SDK1: variants seen among roughly 807,000 people sequenced by gnomAD.
SDK1 encodes sidekick cell adhesion molecule 1, also known as protein sidekick-1.
Under a neutral mutation model 245.5 loss-of-function variants are expected in SDK1, and 157 were observed. The observed-to-expected ratio is 0.64, with a 90% CI of 0.56 to 0.73. SDK1 has a LOEUF of 0.73. SDK1 is among the 30% of genes least tolerant of loss of function. SDK1 has a pLI of 0.00. For missense variants in SDK1, 3,583 were observed against 3,002.3 expected (o/e 1.19, Z -4.52); for synonymous variants, 1,647 against 1,278.5 (o/e 1.29, Z -6.15).
intron 4 of SDK1, among the ~76,000 whole-genome samples, chr7:3,719,792 C>T (rs1308091702): frequency 2.0e-5 from 3 of 152,012 alleles, no homozygotes; most frequent in East Asian, 1.9e-4. Context: ...TCCTGGCCAA[C>T]ATGGTGAAAC....
At chr7:3,305,692 A>G (rs1008549101) in intron 1 of SDK1, among the ~76,000 whole-genome samples, 1 of 152,188 alleles carries the variant, frequency 6.6e-6, no homozygotes, top group Non-Finnish European at 1.5e-5. Flanking sequence ...GAGTGCTCAG[A>G]TAGTTAATTA....
intron 32 of SDK1, among the ~76,000 whole-genome samples, chr7:4,170,064 C>T (rs1040069447): frequency 6.6e-6 from 1 of 152,122 alleles, no homozygotes; most frequent in Non-Finnish European, 1.5e-5. Context: ...CTTTTCCATC[C>T]ATTGTATTTC....
At chr7:3,346,233 G>A (rs1023592090) in intron 1 of SDK1, among the ~76,000 whole-genome samples, 8 of 152,112 alleles carry the variant, frequency 5.3e-5, no homozygotes, top group Non-Finnish European at 1.2e-4. Flanking sequence ...GGGCACCAGC[G>A]AGAAGAGGAG....
rs550561118 is a variant in SDK1 at position 3,603,619 on chromosome 7, C to T, written c.299-15461C>T. 2.6e-3 allele frequency among the ~76,000 whole-genome samples: 401 copies of T among 152,228 alleles called. 3 individuals are homozygous for T. The highest frequency in any genetic ancestry group is 9.2e-3 in the African/African-American group (382 of 41,520). On this transcript the variant is annotated intron_variant, in intron 1 of 44. Coordinates refer to ENST00000404826, the MANE Select transcript of SDK1 (RefSeq NM_152744.4). ...GGGTTTTCTAGATATACAATCATGT[C>T]GTCTGCAAACAGGGACAATTTGACT...
chr7:4,212,249 C>A (rs186072261), intron 38 of SDK1, among the ~76,000 whole-genome samples: 1 of 152,234 alleles, frequency 6.6e-6, no homozygotes, highest in Non-Finnish European at 1.5e-5. Flanking sequence ...AAAATTTAAG[C>A]ACTAGTTTTT....
At chr7:3,542,189 A>G (rs772361072) in intron 1 of SDK1, among the ~76,000 whole-genome samples, 14 of 152,154 alleles carry the variant, frequency 9.2e-5, no homozygotes, top group Admixed American at 2.0e-4. Context: ...TCTGTAGTAG[A>G]TTTCTTATTA....
intron 5 of SDK1, among the ~76,000 whole-genome samples, chr7:3,822,962 G>A (rs138776540): frequency 3.2e-4 from 49 of 152,098 alleles, no homozygotes; most frequent in African/African-American, 1.1e-3. Context: ...GGTCCCAAGT[G>A]GCCGTGATGT....
Position 3,804,965 on chromosome 7 carries a change from G to A in SDK1, c.714-16485G>A, listed in dbSNP as rs1583431632. On this transcript the variant is annotated intron_variant, in intron 4 of 44. Transcript: ENST00000404826. ...TTCAGGAGATCTATTAAACGGCATG[G>A]TGACTATAGTTAACAACAGAGTGCA... Among the ~76,000 whole-genome samples, 4 of 152,244 alleles carry A rather than the reference G, an allele frequency of 2.6e-5. No individual in the cohort carries two copies. The South Asian group carries it at 8.3e-4, about 32-fold the overall frequency.
chr7:3,995,529 C>G (rs1374530183), intron 14 of SDK1, among the ~76,000 whole-genome samples: 1 of 152,208 alleles, frequency 6.6e-6, no homozygotes, highest in Non-Finnish European at 1.5e-5. Flanking sequence ...AACCAATGGG[C>G]AAACAGCCTT....
chr7:3,866,399 G>A (rs1780821679), intron 5 of SDK1, among the ~76,000 whole-genome samples: 2 of 152,334 alleles, frequency 1.3e-5, no homozygotes, highest in South Asian at 2.1e-4. Flanking sequence ...TCATTCCAGA[G>A]AGTGATCTGT....
At chr7:3,888,615 C>G (rs185717431) in intron 5 of SDK1, among the ~76,000 whole-genome samples, 69 of 152,310 alleles carry the variant, frequency 4.5e-4, no homozygotes, top group Non-Finnish European at 3.8e-4. Context: ...ATCACCACAA[C>G]AGGAGTGACT....
At chr7:3,405,767 T>G (rs1779034322) in intron 1 of SDK1, among the ~76,000 whole-genome samples, 1 of 152,108 alleles carries the variant, frequency 6.6e-6, no homozygotes, top group Non-Finnish European at 1.5e-5. Context: ...TATTTACTGC[T>G]TCAGTGTAGT....
intron 1 of SDK1, among the ~76,000 whole-genome samples, chr7:3,564,147 G>C (rs1185060204): frequency 6.7e-6 from 1 of 148,298 alleles, no homozygotes. Context: ...CCAAAAAGTT[G>C]GTAAAAAGAA....
intron 4 of SDK1, among the ~76,000 whole-genome samples, chr7:3,801,914 C>G (rs985642746): frequency 6.6e-6 from 1 of 152,228 alleles, no homozygotes; most frequent in Non-Finnish European, 1.5e-5. Context: ...TGCTGACCAG[C>G]TGGAGGATGA....
intron 17 of SDK1, among the ~76,000 whole-genome samples, chr7:4,039,274 C>T (rs1396709879): frequency 6.6e-6 from 1 of 151,180 alleles, no homozygotes; most frequent in Non-Finnish European, 1.5e-5. Context: ...GCACGTTGTG[C>T]ACATGTACCG....
chr7:3,344,893 C>T (rs2128555704), intron 1 of SDK1, among the ~76,000 whole-genome samples: 1 of 152,242 alleles, frequency 6.6e-6, no homozygotes, highest in East Asian at 1.9e-4. Flanking sequence ...TACTGTTGTA[C>T]AGTAATAACA....
intron 4 of SDK1, among the ~76,000 whole-genome samples, chr7:3,690,342 C>T (rs1474907140): frequency 1.3e-5 from 2 of 151,804 alleles, no homozygotes; most frequent in African/African-American, 2.4e-5. Flanking sequence ...AATTTTTTTC[C>T]TGGAGGGTCA....
intron 4 of SDK1, among the ~76,000 whole-genome samples, chr7:3,709,247 AAGGAG>A (rs1784967882): frequency 6.6e-6 from 1 of 152,210 alleles, no homozygotes; most frequent in Non-Finnish European, 1.5e-5. Flanking sequence ...TATTCTGTTT[AAGGAG>A]CCTCAAGATA....
At chr7:4,095,603 C>T (rs945485076) in intron 22 of SDK1, among the ~76,000 whole-genome samples, 12 of 151,980 alleles carry the variant, frequency 7.9e-5, no homozygotes, top group Admixed American at 6.5e-4. Context: ...GACGGAGTCT[C>T]GCTCTGTCTC....
Sources: gnomAD v4.1 joint callset for allele counts (sites outside exome capture counted in the v4.1 genomes callset) on GRCh38, gnomAD v4.1.1 for gene constraint, MANE v1.5 for transcripts, NCBI Gene and HGNC (gene_info 2026-07-23, HGNC 2026-07-21) for gene names.